Variants in NOL10 observed in about 807,000 individuals in gnomAD.
NOL10 encodes the protein nucleolar protein 10, also known as H_NH0074G24.1.
NOL10 carries 58 observed loss-of-function variants against 103.5 expected under a neutral mutation model. The observed-to-expected ratio is 0.56, with a 90% confidence interval of 0.45 to 0.70. The LOEUF (loss-of-function observed/expected upper bound fraction) is 0.70, where lower values mean the gene tolerates loss of function less well. Ranked by LOEUF, NOL10 falls within the 30% of genes least tolerant of loss-of-function variation. The pLI is 0.00. For synonymous variants in NOL10, 287 were observed against 282.5 expected, an observed-to-expected ratio of 1.02 and a Z score of -0.16; for missense variants, 763 against 807.3, an observed-to-expected ratio of 0.95 and a Z score of 0.67.
intron 17 of NOL10, among the ~76,000 whole-genome samples, chr2:10,593,064 C>A (rs1049046673): frequency 7.9e-5 from 12 of 152,178 alleles, no homozygotes; most frequent in African/African-American, 2.9e-4. Context: ...GAGTGGGACG[C>A]CTATTATTAT....
intron 8 of NOL10, among the ~76,000 whole-genome samples, chr2:10,664,626 A>G (rs1680455877): frequency 6.6e-6 from 1 of 152,148 alleles, no homozygotes; most frequent in Non-Finnish European, 1.5e-5. Context: ...TGCAGCCTCC[A>G]CCTTGTAGGC....
chr2:10,600,557 T>C (rs1328227291), intron 17 of NOL10, among the ~76,000 whole-genome samples: 1 of 152,220 alleles, frequency 6.6e-6, no homozygotes. Context: ...AGGATAAACA[T>C]TTTACACATA....
chr2:10,628,033 C>G (rs1270719077), intron 13 of NOL10, among the ~76,000 whole-genome samples: 2 of 152,240 alleles, frequency 1.3e-5, no homozygotes, highest in East Asian at 3.9e-4. Flanking sequence ...AAGGCGAGTG[C>G]TTCACTGCCT....
At chr2:10,577,838 T>C (rs1318533439) in intron 19 of NOL10, 100 bp from the exon 20 acceptor site, 1 of 742,440 alleles carries the variant, frequency 1.3e-6, no homozygotes, top group Non-Finnish European at 2.3e-6. Context: ...GAAAAATGTT[T>C]ACACATGTAA....
At position 10,689,920 on chromosome 2, in the gene NOL10, G is replaced by A. The variant is rs928045636; in HGVS notation, c.-59C>T. Reference sequence around the variant, plus strand: ...TTTCCCACCAGCGTGCTCGAGCACCGTAATCCCGGGACCTCCGAGCCCCTG... The same window carrying A: ...TTTCCCACCAGCGTGCTCGAGCACCATAATCCCGGGACCTCCGAGCCCCTG... On this transcript the variant is annotated 5_prime_UTR_variant, in exon 1 of 21. In the 5' UTR this introduces an upstream ATG that the reference lacks. Coordinates refer to ENST00000381685, the MANE Select transcript of NOL10 (RefSeq NM_024894.4). 4.3e-5 allele frequency: 65 copies of A among 1,500,110 alleles called. No individual in the cohort carries two copies. In the Middle Eastern group the frequency reaches 5.2e-4, roughly 12 times the overall value. The allele number at this position is 1,500,110 out of a possible 1,614,324, so 92.9% of individuals were successfully genotyped here.
At chr2:10,597,490 A>T (rs1382352725) in intron 17 of NOL10, among the ~76,000 whole-genome samples, 1 of 152,224 alleles carries the variant, frequency 6.6e-6, no homozygotes, top group Non-Finnish European at 1.5e-5. Context: ...AATTCTTTCA[A>T]GTAGTCTTTT....
At chr2:10,645,495 A>G (rs1042869251) in intron 12 of NOL10, among the ~76,000 whole-genome samples, 3 of 151,624 alleles carry the variant, frequency 2.0e-5, no homozygotes, top group Admixed American at 6.6e-5. Flanking sequence ...CTGAGTGAAT[A>G]GAGTCAATTA....
chr2:10,574,193 C>A (rs1329309872), intron 20 of NOL10, among the ~76,000 whole-genome samples: 6 of 152,208 alleles, frequency 3.9e-5, no homozygotes, highest in Admixed American at 3.9e-4. Context: ...CAGCACAGGG[C>A]AGGCATCAAT....
intron 9 of NOL10, among the ~76,000 whole-genome samples, chr2:10,661,532 C>A (rs537367902): frequency 6.6e-6 from 1 of 152,000 alleles, no homozygotes; most frequent in Non-Finnish European, 1.5e-5. Context: ...CCACCATGCC[C>A]GGCTAATTTT....
chr2:10,667,637 T>C (rs1171673523), intron 7 of NOL10, among the ~76,000 whole-genome samples: 4 of 152,220 alleles, frequency 2.6e-5, no homozygotes, highest in Admixed American at 6.5e-5. Context: ...ACCATGACAA[T>C]CCTGAGCCTT....
chr2:10,622,737 T>A (rs1677221632), intron 13 of NOL10, among the ~76,000 whole-genome samples: 2 of 151,848 alleles, frequency 1.3e-5, no homozygotes, highest in Admixed American at 1.3e-4. Flanking sequence ...TTTTTTTTTC[T>A]CCAGAAAATT....
chr2:10,648,127 A>G (rs1679211165), intron 12 of NOL10, among the ~76,000 whole-genome samples: 1 of 152,266 alleles, frequency 6.6e-6, no homozygotes, highest in Admixed American at 6.5e-5. Flanking sequence ...CTGATGAGCC[A>G]TAGGAGCAGG....
At chr2:10,689,349 C>T (rs997772141) in intron 1 of NOL10, among the ~76,000 whole-genome samples, 5 of 152,152 alleles carry the variant, frequency 3.3e-5, no homozygotes, top group African/African-American at 1.2e-4. Flanking sequence ...TCTGCAGATG[C>T]GAAGTCTGTA....
At chr2:10,612,705 T>C (rs946722630) in intron 13 of NOL10, among the ~76,000 whole-genome samples, 10 of 152,114 alleles carry the variant, frequency 6.6e-5, no homozygotes, top group African/African-American at 2.2e-4. Context: ...GGTTTCACCA[T>C]GTTGGCCAGG....
chr2:10,641,350 T>C (rs1469282314), intron 13 of NOL10, among the ~76,000 whole-genome samples: 3 of 110,714 alleles, frequency 2.7e-5, no homozygotes, highest in Non-Finnish European at 3.8e-5. Context: ...AAAAAAAACA[T>C]TAAAGCTTAA....
At chr2:10,572,262 C>A in intron 20 of NOL10, 72 bp from the exon 21 acceptor site, 1 of 1,512,046 alleles carries the variant, frequency 6.6e-7, no homozygotes. Flanking sequence ...AACCGTCAGG[C>A]TGCCAACAGT....
At chr2:10,584,846 GT>G (rs1674939679) in intron 19 of NOL10, among the ~76,000 whole-genome samples, 1 of 152,142 alleles carries the variant, frequency 6.6e-6, no homozygotes, top group African/African-American at 2.4e-5. Flanking sequence ...TTTAACTGCA[GT>G]TTATTCACCT....
intron 6 of NOL10, among the ~76,000 whole-genome samples, chr2:10,670,679 G>A (rs1412457484): frequency 6.6e-6 from 1 of 152,166 alleles, no homozygotes; most frequent in Non-Finnish European, 1.5e-5. Context: ...AGGTTGCAGT[G>A]AGCCAAGATC....
intron 13 of NOL10, among the ~76,000 whole-genome samples, chr2:10,610,328 T>C (rs775757542): frequency 1.3e-5 from 2 of 152,246 alleles, no homozygotes; most frequent in Non-Finnish European, 2.9e-5. Context: ...TCTTTTATAA[T>C]GTTCCACAAC....
Sources: gnomAD v4.1 joint callset for allele counts (sites outside exome capture counted in the v4.1 genomes callset) on GRCh38, gnomAD v4.1.1 for gene constraint, MANE v1.5 for transcripts, NCBI Gene and HGNC (gene_info 2026-07-23, HGNC 2026-07-21) for gene names.